MACC1: variants seen among roughly 807,000 people sequenced by gnomAD.
MACC1 encodes the protein MET transcriptional regulator MACC1, also known as metastasis-associated in colon cancer protein 1.
MACC1 carries 79 observed loss-of-function variants against 70.7 expected under a neutral mutation model. That is an observed-to-expected ratio of 1.12 (90% CI 0.93 to 1.35). The LOEUF (loss-of-function observed/expected upper bound fraction) is 1.35. Ranked by LOEUF, MACC1 falls within the 40% of genes most tolerant of loss-of-function variation. The pLI is 0.00. For synonymous variants in MACC1, 361 were observed against 347.2 expected (o/e 1.04, Z -0.44); for missense variants, 1,106 against 978.1 (o/e 1.13, Z -1.74).
At chr7:20,215,840 T>C (rs911568480) in intron 1 of MACC1, among the ~76,000 whole-genome samples, 2 of 152,162 alleles carry the variant, frequency 1.3e-5, no homozygotes, top group African/African-American at 4.8e-5. Flanking sequence ...GTTTTTATTA[T>C]CTCTAAAACA....
chr7:20,213,852 A>T lies in MACC1; in HGVS notation c.-218+3447T>A, dbSNP rs62453024. Among the ~76,000 whole-genome samples, 1,173 of 152,296 alleles carry T rather than the reference A, an allele frequency of 7.7e-3. 7 individuals carry two copies. Among genetic ancestry groups the T allele is most frequent in the Non-Finnish European group, 0.011 (721 of 68,020 alleles). ...GAAATAATCTGTACAACGAAGCCCCATGACATAAGTTTACCTATGTAACAA... is the reference window on the plus strand; with the variant it reads ...GAAATAATCTGTACAACGAAGCCCCTTGACATAAGTTTACCTATGTAACAA... On this transcript the variant is annotated intron_variant, in intron 1 of 6. Coordinates refer to ENST00000400331, the MANE Select transcript of MACC1 (RefSeq NM_182762.4).
chr7:20,186,415 C>T (rs868566404), intron 1 of MACC1, among the ~76,000 whole-genome samples: 2 of 151,676 alleles, frequency 1.3e-5, no homozygotes, highest in South Asian at 4.2e-4. Flanking sequence ...ATCACCAAAA[C>T]AATAATAAGG....
chr7:20,205,429 A>T (rs1782896980), intron 1 of MACC1, among the ~76,000 whole-genome samples: 1 of 152,182 alleles, frequency 6.6e-6, no homozygotes, highest in Non-Finnish European at 1.5e-5. Flanking sequence ...ATCCTGCTTG[A>T]TCTGTGGTGT....
At chr7:20,187,149 G>A (rs1213451058) in intron 1 of MACC1, among the ~76,000 whole-genome samples, 2 of 151,982 alleles carry the variant, frequency 1.3e-5, no homozygotes, top group Non-Finnish European at 1.5e-5. Flanking sequence ...ACATGTAAAT[G>A]GTAAGACCAT....
chr7:20,159,485 A>G lies in MACC1; in HGVS notation c.876T>C (p.Ile292=). The G allele has an allele frequency of 6.2e-7, 1 of 1,614,098 alleles. No homozygotes were observed. The highest frequency in any genetic ancestry group is 8.5e-7 in the Non-Finnish European group (1 of 1,180,024). Residue 292 remains isoleucine, a synonymous_variant, in exon 5 of 7, where the codon ATT becomes ATC. Coordinates refer to ENST00000400331, the MANE Select transcript of MACC1 (RefSeq NM_182762.4). The part of the protein sequence containing the change: ...TMEALLLEMK[I]GAEVRKDPFS... The stretch of plus-strand genomic sequence containing the variant: ...AAGGATCCTTTCTTACTTCAGCCCC[A>G]ATTTTCATCTCCAGCAAAAGGGCTT...
chr7:20,141,503 TGA>T (rs1364806032), intron 6 of MACC1, among the ~76,000 whole-genome samples: 25 of 152,198 alleles, frequency 1.6e-4, no homozygotes, highest in Non-Finnish European at 3.2e-4. Context: ...TTTTACTATT[TGA>T]GAGACTTTTA....
chr7:20,190,668 T>A (rs1274180176), intron 1 of MACC1, among the ~76,000 whole-genome samples: 1 of 152,194 alleles, frequency 6.6e-6, no homozygotes, highest in East Asian at 1.9e-4. Context: ...GGTTAGTTTT[T>A]ATCAAACGAA....
At position 20,159,550 on chromosome 7, in the gene MACC1, G is replaced by A. The variant is rs1357173028; in HGVS notation, c.811C>T (p.Pro271Ser). The A allele has an allele frequency of 6.2e-7, 1 of 1,614,070 alleles. No individual in the cohort carries two copies. Residue 271 changes from proline to serine, a missense_variant, in exon 5 of 7, where the codon CCG (proline) becomes TCG (serine). Physicochemically the swap from Pro to Ser is moderately conservative, Grantham distance 74. Coordinates refer to ENST00000400331, the MANE Select transcript of MACC1 (RefSeq NM_182762.4). ...TTGCCTAACATGATTTCCAACAACGGGCTCACAGTGCACGAAAGATCATGG... is the reference window on the plus strand; with the variant it reads ...TTGCCTAACATGATTTCCAACAACGAGCTCACAGTGCACGAAAGATCATGG... Reference protein sequence around the residue: ...LNHDLSCTVSPLLEIMLGNLN... With the variant: ...LNHDLSCTVSSLLEIMLGNLN...
chr7:20,181,876 T>C (rs1211667045), intron 1 of MACC1, among the ~76,000 whole-genome samples: 1 of 152,030 alleles, frequency 6.6e-6, no homozygotes, highest in Non-Finnish European at 1.5e-5. Flanking sequence ...TCCTAACCAA[T>C]TCAAGAGAAT....
intron 1 of MACC1, among the ~76,000 whole-genome samples, chr7:20,202,993 A>C (rs1384117011): frequency 1.3e-5 from 2 of 152,198 alleles, no homozygotes; most frequent in Non-Finnish European, 2.9e-5. Flanking sequence ...AGCAATTGGT[A>C]AGATGAAACA....
intron 1 of MACC1, among the ~76,000 whole-genome samples, chr7:20,202,445 TTGATAATCAATCAA>T (rs1391208621): frequency 2.0e-5 from 3 of 152,228 alleles, no homozygotes; most frequent in African/African-American, 7.2e-5. Flanking sequence ...CATACTTGCC[TTGATAATCAATCAA>T]TGTGTTTTAG....
At chr7:20,152,182 T>A (rs1042356437) in intron 6 of MACC1, among the ~76,000 whole-genome samples, 4 of 152,154 alleles carry the variant, frequency 2.6e-5, no homozygotes, top group African/African-American at 4.8e-5. Context: ...ACAGCTCAAC[T>A]GCAGGCATTG....
rs1194987819 is a variant in MACC1, at chr7:20,161,819, G to T, written c.44C>A (p.Ala15Glu). ...ERKHFRSGRI[A>E]QSMSEANLID... is the part of the protein sequence containing the mutation. ...CAAATTTGCTTCAGACATACTTTGT[G>T]CAATTCTTCCTGACCGAAAATGTTT... Residue 15 changes from alanine to glutamate, a missense_variant, in exon 4 of 7, where the codon GCA (alanine) becomes GAA (glutamate). Coordinates refer to ENST00000400331, the MANE Select transcript of MACC1 (RefSeq NM_182762.4). 6.2e-7 allele frequency: 1 copy of T among 1,612,362 alleles called. No homozygotes were observed. Among genetic ancestry groups the T allele is most frequent in the Non-Finnish European group, 8.5e-7 (1 of 1,178,930 alleles).
intron 2 of MACC1, among the ~76,000 whole-genome samples, chr7:20,169,938 C>G (rs925811007): frequency 1.3e-5 from 2 of 152,196 alleles, no homozygotes; most frequent in African/African-American, 4.8e-5. Context: ...ACTTTGCCAA[C>G]TGGGCCCATT....
chr7:20,168,748 T>A (rs547263418), intron 2 of MACC1, among the ~76,000 whole-genome samples: 40 of 152,230 alleles, frequency 2.6e-4, no homozygotes, highest in African/African-American at 9.6e-4. Context: ...CAGGTTACAA[T>A]CCCAAAAGGA....
At chr7:20,170,241 CAAA>C (rs1562590312) in intron 2 of MACC1, 1 of 152,160 alleles carries the variant, frequency 6.6e-6, no homozygotes, top group Non-Finnish European at 1.5e-5. Flanking sequence ...ATATTGTCTT[CAAA>C]AAGTGGTTAC....
Position 20,140,975 on chromosome 7 carries a change from T to A in MACC1, c.2530A>T (p.Thr844Ser). The A allele has an allele frequency of 8.7e-6, 14 of 1,613,478 alleles. No individual in the cohort carries two copies. Among genetic ancestry groups the A allele is most frequent in the Non-Finnish European group, 1.1e-5 (13 of 1,179,662 alleles). ...LVNSLEVLRVTAFSTSEEV is the reference protein window; with the variant it reads ...LVNSLEVLRVSAFSTSEEV ...ACTTCCTCAGAAGTGGAGAATGCAG[T>A]TACTCTCAAAACCTCCAAAGAATTT... Residue 844 changes from threonine (T) to serine (S), a missense_variant, in exon 7 of 7, where the codon ACT becomes TCT. By Grantham distance (58) the Thr-to-Ser change is moderately conservative (BLOSUM62 1). Transcript: ENST00000400331.
intron 1 of MACC1, among the ~76,000 whole-genome samples, chr7:20,202,173 G>C (rs376112040): frequency 1.5e-4 from 23 of 152,236 alleles, no homozygotes; most frequent in Non-Finnish European, 2.5e-4. Context: ...TGAAAGGATA[G>C]TGTAGACAAG....
Position 20,140,990 on chromosome 7 carries a change from C to A in MACC1, c.2515G>T (p.Glu839Ter). 6.2e-7 allele frequency: 1 copy of A among 1,613,892 alleles called. No homozygotes were observed. Among genetic ancestry groups the A allele is most frequent in the East Asian group, 2.2e-5 (1 of 44,868 alleles). Residue 839 changes from glutamate (E) to a stop codon, truncating the protein, a stop_gained, in exon 7 of 7, where the codon GAG becomes TAG. Transcript: ENST00000400331. LOFTEE classifies it high-confidence loss of function. ...GAGAATGCAGTTACTCTCAAAACCT[C>A]CAAAGAATTTACTAGTATTAAAACT... The part of the protein sequence containing the change: ...TGVLILVNSL[E>*]VLRVTAFSTS...
Sources: gnomAD v4.1 joint callset for allele counts (sites outside exome capture counted in the v4.1 genomes callset) on GRCh38, gnomAD v4.1.1 for gene constraint, MANE v1.5 for transcripts, NCBI Gene and HGNC (gene_info 2026-07-23, HGNC 2026-07-21) for gene names.